ROBO1: variants seen among roughly 807,000 people sequenced by gnomAD.
ROBO1 encodes the protein roundabout homolog 1.
ROBO1 carries 149 observed loss-of-function variants against 195.9 expected under a neutral mutation model. The observed-to-expected ratio is 0.76, with a 90% CI of 0.67 to 0.87. The LOEUF (loss-of-function observed/expected upper bound fraction) is 0.87. Among genes scored for constraint, ROBO1 ranks in the 40% least tolerant of loss-of-function variants. The pLI is 0.00. For missense variants in ROBO1, 1,933 were observed against 2,068.3 expected (o/e 0.93, Z 1.27); for synonymous variants, 816 against 733.2 (o/e 1.11, Z -1.82).
intron 2 of ROBO1, among the ~76,000 whole-genome samples, chr3:79,481,301 C>T (rs79595233): frequency 0.034 from 5,233 of 152,028 alleles, 204 homozygotes; most frequent in African/African-American, 0.098. Context: ...TGAATTTTGT[C>T]GAACACAATT....
At chr3:78,961,627 T>C (rs2041351054) in intron 3 of ROBO1, among the ~76,000 whole-genome samples, 1 of 152,114 alleles carries the variant, frequency 6.6e-6, no homozygotes, top group African/African-American at 2.4e-5. Flanking sequence ...GGCACAGAAA[T>C]GAAATAACTC....
rs566899373 is a variant in ROBO1, at chr3:78,960,241, C to T, written c.173-21314G>A. On this transcript the variant is annotated intron_variant, in intron 3 of 30. Transcript: ENST00000464233. ...AACTTATCTAATCAGAAATACAGTG[C>T]CCTTAAAAATGAATATCTGCAAATA... 2.6e-5 allele frequency among the ~76,000 whole-genome samples: 4 copies of T among 151,656 alleles called. 1 individual carries two copies. The South Asian group carries it at 6.2e-4, about 24-fold the overall frequency.
intron 3 of ROBO1, among the ~76,000 whole-genome samples, chr3:79,116,419 C>CTCT (rs368295417): frequency 2.1e-5 from 3 of 145,582 alleles, no homozygotes; most frequent in African/African-American, 7.6e-5. Flanking sequence ...CCTTCCTTCT[C>CTCT]TATTTTCTTT....
Position 78,640,432 on chromosome 3 carries a change from A to T in ROBO1, c.2883-534T>A, listed in dbSNP as rs192339828. On this transcript the variant is annotated intron_variant, in intron 21 of 30. Coordinates refer to ENST00000464233, the MANE Select transcript of ROBO1 (RefSeq NM_002941.4). ...AGTTTGGGGCTCTGTGACATTTTAC[A>T]CAGATCCTCATCAATGTTTCAGAGC... is the stretch of plus-strand genomic sequence containing the variant. 2.2e-3 allele frequency among the ~76,000 whole-genome samples: 339 copies of T among 152,290 alleles called. 3 individuals are homozygous for T. Among genetic ancestry groups the T allele is most frequent in the African/African-American group, 7.0e-3 (292 of 41,568 alleles).
intron 8 of ROBO1, among the ~76,000 whole-genome samples, chr3:78,712,180 G>C (rs1241776734): frequency 6.6e-6 from 1 of 152,018 alleles, no homozygotes; most frequent in Non-Finnish European, 1.5e-5. Flanking sequence ...GGGCTTTATT[G>C]CCTTAACATC....
At chr3:78,614,435 G>T (rs555782408) in intron 28 of ROBO1, among the ~76,000 whole-genome samples, 19 of 152,188 alleles carry the variant, frequency 1.2e-4, no homozygotes, top group Admixed American at 2.6e-4. Context: ...AAATGGTTTT[G>T]TTTTTTTAAA....
intron 8 of ROBO1, among the ~76,000 whole-genome samples, chr3:78,709,732 G>A (rs1427246906): frequency 6.6e-6 from 1 of 152,110 alleles, no homozygotes; most frequent in Non-Finnish European, 1.5e-5. Context: ...TTTGCTCATG[G>A]ATAATCTTAC....
At chr3:79,708,330 G>A (rs953415326) in intron 1 of ROBO1, among the ~76,000 whole-genome samples, 1 of 152,088 alleles carries the variant, frequency 6.6e-6, no homozygotes, top group South Asian at 2.1e-4. Context: ...TCACAATATA[G>A]TATTCATTTT....
intron 4 of ROBO1, among the ~76,000 whole-genome samples, chr3:78,814,938 A>G (rs2084854025): frequency 1.3e-5 from 2 of 152,082 alleles, no homozygotes; most frequent in African/African-American, 4.8e-5. Context: ...ATATTTCTAC[A>G]TTTTCATCAG....
chr3:78,895,741 A>G (rs1559973764), intron 4 of ROBO1, among the ~76,000 whole-genome samples: 1 of 152,194 alleles, frequency 6.6e-6, no homozygotes, highest in Non-Finnish European at 1.5e-5. Flanking sequence ...TGTCATTTTA[A>G]TTCTCAACAT....
At chr3:78,985,961 G>GCCCA (rs2108020346) in intron 3 of ROBO1, among the ~76,000 whole-genome samples, 1 of 152,240 alleles carries the variant, frequency 6.6e-6, no homozygotes, top group East Asian at 1.9e-4. Flanking sequence ...GGGCAGCAGA[G>GCCCA]CCCAAGACAA....
intron 2 of ROBO1, among the ~76,000 whole-genome samples, chr3:79,269,075 AT>A (rs1203024330): frequency 1.3e-5 from 2 of 151,296 alleles, no homozygotes; most frequent in East Asian, 2.0e-4. Context: ...TGGGAGATGA[AT>A]TTTTTTTTCT....
At chr3:79,081,964 T>G (rs2079282819) in intron 3 of ROBO1, among the ~76,000 whole-genome samples, 1 of 152,200 alleles carries the variant, frequency 6.6e-6, no homozygotes, top group Non-Finnish European at 1.5e-5. Flanking sequence ...TTTTAGAGTC[T>G]ATTAATATCA....
At chr3:78,794,277 A>G (rs934806920) in intron 4 of ROBO1, among the ~76,000 whole-genome samples, 2 of 152,204 alleles carry the variant, frequency 1.3e-5, no homozygotes, top group African/African-American at 4.8e-5. Context: ...CATAATGCTT[A>G]CTTCATTGGA....
chr3:79,404,954 AC>A (rs1300020546), intron 2 of ROBO1, among the ~76,000 whole-genome samples: 1 of 151,942 alleles, frequency 6.6e-6, no homozygotes, highest in Admixed American at 6.6e-5. Context: ...GTTTCTCTGA[AC>A]CCTCCTTGTA....
chr3:79,727,089 T>C (rs1702956890), intron 1 of ROBO1, among the ~76,000 whole-genome samples: 1 of 152,186 alleles, frequency 6.6e-6, no homozygotes, highest in Non-Finnish European at 1.5e-5. Context: ...ATGTATCTAC[T>C]AGCAATATGC....
Position 78,598,941 on chromosome 3 carries a change from G to A in ROBO1, c.4942-14C>T, listed in dbSNP as rs780628205. ...GCTTTCAGTTTCCTGTAAGAGATAC[G>A]TTATTGTCACATTTGAAAATAAATC... On this transcript the variant is annotated splice_polypyrimidine_tract_variant and intron_variant, in intron 30 of 30. Transcript: ENST00000464233. 20 of 1,530,028 alleles carry A rather than the reference G, an allele frequency of 1.3e-5. No homozygotes were observed. The Admixed American group carries it at 2.2e-4, about 17-fold the overall frequency. The allele number at this position is 1,530,028 out of a possible 1,614,324, so 94.8% of individuals were successfully genotyped here. A position where few individuals can be genotyped will look rare whatever the true frequency, so the allele number is the denominator to read the frequency against.
chr3:79,365,693 C>A (rs960397308), intron 2 of ROBO1, among the ~76,000 whole-genome samples: 1 of 151,942 alleles, frequency 6.6e-6, no homozygotes, highest in African/African-American at 2.4e-5. Context: ...GTCAGGAGAT[C>A]GAGACCATCC....
At chr3:79,486,405 A>G (rs900124770) in intron 2 of ROBO1, among the ~76,000 whole-genome samples, 2 of 152,082 alleles carry the variant, frequency 1.3e-5, no homozygotes, top group African/African-American at 4.8e-5. Flanking sequence ...AGAGTGTTAA[A>G]CTTTTATTCT....
Sources: allele counts gnomAD v4.1 joint callset (sites outside exome capture counted in the v4.1 genomes callset), GRCh38; gene constraint gnomAD v4.1.1; transcripts MANE v1.5; gene names NCBI Gene and HGNC (gene_info 2026-07-23, HGNC 2026-07-21).